ADARB1: variants seen among roughly 807,000 people sequenced by gnomAD.
The protein encoded by ADARB1 is double-stranded RNA-specific editase 1.
A neutral mutation model predicts 52.4 loss-of-function variants in ADARB1; 10 were observed. The observed-to-expected ratio is 0.19, with a 90% CI of 0.12 to 0.32. The LOEUF is 0.32. Ranked by LOEUF, ADARB1 falls within the 10% of genes least tolerant of loss-of-function variation. ADARB1 has a pLI of 1.00. For synonymous variants in ADARB1, 349 were observed against 371.1 expected (o/e 0.94, Z 0.68); for missense variants, 643 against 922.3 (o/e 0.70, Z 3.92).
chr21:45,166,475 C>T (rs1569104035), intron 2 of ADARB1, among the ~76,000 whole-genome samples: 1 of 152,144 alleles, frequency 6.6e-6, no homozygotes, highest in Non-Finnish European at 1.5e-5. Context: ...TTTAAAATGC[C>T]ACCTTTACCA....
At chr21:45,196,082 T>G (rs2092418418) in intron 8 of ADARB1, among the ~76,000 whole-genome samples, 1 of 152,214 alleles carries the variant, frequency 6.6e-6, no homozygotes, top group African/African-American at 2.4e-5. Context: ...TTTTATAGTT[T>G]TACTTATACA....
At position 45,225,474 on chromosome 21, in the gene ADARB1, C is replaced by T. The variant is rs2093046185; in HGVS notation, c.*3277C>T. On this transcript the variant is annotated 3_prime_UTR_variant, in exon 11 of 11. Coordinates refer to ENST00000348831, the MANE Select transcript of ADARB1 (RefSeq NM_001112.4). ...TGGAATTTATTTTTATTCAAATAAC[C>T]ATATTTATCTCCAGGCTGTGGAATC... 2 of 1,311,536 alleles carry T rather than the reference C, an allele frequency of 1.5e-6. No individual in the cohort carries two copies. The highest frequency in any genetic ancestry group is 2.0e-6 in the Non-Finnish European group (2 of 1,021,650). 81.2% of individuals were successfully genotyped at this position (1,311,536 alleles called of 1,614,324 possible).
At chr21:45,107,829 A>T (rs1169339349) in intron 1 of ADARB1, among the ~76,000 whole-genome samples, 4 of 152,244 alleles carry the variant, frequency 2.6e-5, no homozygotes, top group African/African-American at 9.6e-5. Flanking sequence ...CAAAGAAAAG[A>T]TGGATGAATT....
intron 2 of ADARB1, among the ~76,000 whole-genome samples, chr21:45,147,302 T>C (rs1404556087): frequency 6.6e-6 from 1 of 152,268 alleles, no homozygotes; most frequent in Non-Finnish European, 1.5e-5. Flanking sequence ...AGAGGTTTTA[T>C]TGTTTCTTAT....
intron 1 of ADARB1, among the ~76,000 whole-genome samples, chr21:45,086,784 T>C (rs1328734964): frequency 6.6e-6 from 1 of 152,242 alleles, no homozygotes; most frequent in Non-Finnish European, 1.5e-5. Context: ...AGCAAGCATG[T>C]CTGCGTGTGG....
intron 8 of ADARB1, among the ~76,000 whole-genome samples, chr21:45,194,511 C>G (rs1873908427): frequency 6.7e-6 from 1 of 149,832 alleles, no homozygotes; most frequent in African/African-American, 2.5e-5. Context: ...TCTGCCTGTT[C>G]ACCCCTCTCA....
chr21:45,180,573 T>C, intron 5 of ADARB1, 129 bp downstream of exon 5: 1 of 779,308 alleles, frequency 1.3e-6, no homozygotes, highest in South Asian at 1.6e-5. Flanking sequence ...CTTCAAAATG[T>C]CTGCCATATG....
intron 2 of ADARB1, chr21:45,134,613 C>T (rs1403874621): frequency 5.1e-6 from 2 of 389,510 alleles, no homozygotes; most frequent in Non-Finnish European, 1.0e-5. Flanking sequence ...GTTCAGGGTC[C>T]ATAGTACATG....
At chr21:45,217,368 C>T (rs1330555734) in intron 9 of ADARB1, among the ~76,000 whole-genome samples, 1 of 151,870 alleles carries the variant, frequency 6.6e-6, no homozygotes, top group African/African-American at 2.4e-5. Flanking sequence ...TGAGCTGTAA[C>T]TTTTGTTAAT....
At chr21:45,109,141 GTGTGTGCGCGCGTGTGCGTATA>G (rs2087393192) in intron 1 of ADARB1, among the ~76,000 whole-genome samples, 1 of 151,360 alleles carries the variant, frequency 6.6e-6, no homozygotes, top group Admixed American at 6.6e-5. Context: ...GTATGCGTGT[GTGTGTGCGCGCGTGTGCGTATA>G]TGTGTGTGCG....
intron 2 of ADARB1, among the ~76,000 whole-genome samples, chr21:45,135,967 G>T (rs914991622): frequency 6.6e-6 from 1 of 152,160 alleles, no homozygotes; most frequent in African/African-American, 2.4e-5. Flanking sequence ...TCTAATTTTA[G>T]AGGCCGCCAG....
In ADARB1 at chr21:45,176,205, C is replaced by G; in HGVS notation, c.504C>G (p.Asp168Glu). 1 of 1,614,192 alleles carries G rather than the reference C, an allele frequency of 6.2e-7. No homozygotes were observed. Among genetic ancestry groups the G allele is most frequent in the Admixed American group, 1.7e-5 (1 of 60,026 alleles). The change falls in exon 4 of 11, where the codon GAC becomes GAG. Residue 168 changes from aspartate (D) to glutamate (E), a missense_variant. Physicochemically the swap from Asp to Glu is conservative, Grantham distance 45 (BLOSUM62 2). Coordinates refer to ENST00000348831, the MANE Select transcript of ADARB1 (RefSeq NM_001112.4). The surrounding 1 kb of genome is among the most constrained non-coding windows in gnomAD (Gnocchi z 5.8). Reference sequence around the variant, plus strand: ...CTGTCAACACGGACTTCACATCTGACCAGGCCGACTTCCCTGACACGCTCT... The same window carrying G: ...CTGTCAACACGGACTTCACATCTGAGCAGGCCGACTTCCCTGACACGCTCT... ...TLSVNTDFTS[D>E]QADFPDTLFN...
At chr21:45,077,269 G>T (rs1350747008) in intron 1 of ADARB1, among the ~76,000 whole-genome samples, 1 of 152,160 alleles carries the variant, frequency 6.6e-6, no homozygotes, top group African/African-American at 2.4e-5. Flanking sequence ...ACTTTGGAAA[G>T]AAATAGATGA....
intron 1 of ADARB1, among the ~76,000 whole-genome samples, chr21:45,113,011 C>T (rs964152044): frequency 6.6e-6 from 1 of 151,920 alleles, no homozygotes; most frequent in Non-Finnish European, 1.5e-5. Flanking sequence ...AAGTATTTCA[C>T]TCATTGACTA....
chr21:45,176,487 C>T lies in ADARB1; in HGVS notation c.786C>T (p.Ser262=). The part of the protein sequence containing the change: ...LSESGESHAK[S]FVMSVVVDGQ... ...AGAGCGGGGAGAGCCATGCCAAGAG[C>T]TTCGTCATGTCTGTGGTCGTGGATG... The change falls in exon 4 of 11, where the codon AGC becomes AGT. Residue 262 remains serine (S), a synonymous_variant. Transcript: ENST00000348831. This position sits in a 1 kb window ranked among gnomAD's most constrained non-coding sequence, Gnocchi z 5.8. The T allele has an allele frequency of 6.2e-7, 1 of 1,614,100 alleles. No individual in the cohort carries two copies. The highest frequency in any genetic ancestry group is 1.7e-5 in the Admixed American group (1 of 60,016).
rs534404306 is a variant in ADARB1, at chr21:45,207,056, C to A, written c.1747+2320C>A. ...TTCTGTGTCTCGGGTTCTTCATACG[C>A]CCAGTGGCAGGGATGGACCAGGCAC... On this transcript the variant is annotated intron_variant, in intron 9 of 10. Coordinates refer to ENST00000348831, the MANE Select transcript of ADARB1 (RefSeq NM_001112.4). 2.6e-5 allele frequency among the ~76,000 whole-genome samples: 4 copies of A among 152,284 alleles called. No individual in the cohort carries two copies. In the South Asian group the frequency reaches 8.3e-4, roughly 32 times the overall value.
At chr21:45,084,540 A>G (rs1444169722) in intron 1 of ADARB1, among the ~76,000 whole-genome samples, 1 of 152,248 alleles carries the variant, frequency 6.6e-6, no homozygotes, top group African/African-American at 2.4e-5. Context: ...CTGTTTCCTC[A>G]GTCTTAGGGG....
chr21:45,185,055 G>A lies in ADARB1; in HGVS notation c.1529G>A (p.Arg510Gln), dbSNP rs1409743479. 3.1e-6 allele frequency: 5 copies of A among 1,614,208 alleles called. No homozygotes were observed. Among genetic ancestry groups the A allele is most frequent in the Admixed American group, 1.7e-5 (1 of 60,032 alleles). ...TGGGACGGGGTGCTGCAAGGGGAGC[G>A]GCTGCTCACCATGTCCTGCAGTGAC... Reference protein sequence around the residue: ...QTWDGVLQGERLLTMSCSDKI... With the variant: ...QTWDGVLQGEQLLTMSCSDKI... The change falls in exon 8 of 11, where the codon CGG (arginine) becomes CAG (glutamine). Residue 510 changes from arginine (R) to glutamine (Q), a missense_variant. Transcript: ENST00000348831.
chr21:45,090,831 G>A (rs558098100), intron 1 of ADARB1, among the ~76,000 whole-genome samples: 3 of 152,254 alleles, frequency 2.0e-5, no homozygotes, highest in East Asian at 1.9e-4. Context: ...GCAGCTCTAC[G>A]TTTTCCCCCC....
Sources: gnomAD v4.1 joint callset for allele counts (sites outside exome capture counted in the v4.1 genomes callset) on GRCh38, gnomAD v4.1.1 for gene constraint, Gnocchi (gnomAD v3.1) non-coding constraint, MANE v1.5 for transcripts, NCBI Gene and HGNC (gene_info 2026-07-23, HGNC 2026-07-21) for gene names.